NUP35: variants seen among roughly 807,000 people sequenced by gnomAD.
NUP35 encodes the protein nucleoporin NUP35.
In NUP35, 25 loss-of-function variants were observed where a neutral mutation model predicts 41.5. The ratio of observed to expected loss-of-function variants is 0.60; its 90% CI spans 0.44 to 0.84. NUP35 has a LOEUF of 0.84. NUP35 is among the 40% of genes least tolerant of loss of function. The pLI, the probability that NUP35 is intolerant of heterozygous loss-of-function variation, is 0.00. For missense variants in NUP35, 396 were observed against 396.6 expected (o/e 1.00, Z 0.01); for synonymous variants, 149 against 130.7 (o/e 1.14, Z -0.96).
chr2:183,124,426 A>T (rs143641717), upstream of NUP35: 355 of 1,614,104 alleles, frequency 2.2e-4, no homozygotes, highest in Non-Finnish European at 2.9e-4. Flanking sequence ...TTAATTGGGA[A>T]GGTACTGGTT....
Position 183,142,707 on chromosome 2 carries a change from T to C in NUP35, c.398-8801T>C, listed in dbSNP as rs1215207149. On this transcript the variant is annotated intron_variant, in intron 4 of 8. Coordinates refer to ENST00000295119, the MANE Select transcript of NUP35 (RefSeq NM_138285.5). ...GTTGGCCAGGCTGGTCTTGAACTCC[T>C]GACCTCAAGTGATCCACCTGCATCA... Among the ~76,000 whole-genome samples the C allele has an allele frequency of 2.0e-5, 3 of 151,928 alleles. No homozygotes were observed. The East Asian group carries it at 5.8e-4, about 30-fold the overall frequency.
Position 183,151,503 on chromosome 2 carries a change from T to TA in NUP35, c.398-4dup. The TA allele has an allele frequency of 6.2e-7, 1 of 1,613,364 alleles. No homozygotes were observed. Among genetic ancestry groups the TA allele is most frequent in the Non-Finnish European group, 8.5e-7 (1 of 1,179,686 alleles). ...GCAACTAACTTGCTAAATATACTAA[T>TA]ATAGGGCAAAGTATGTTTAGTCCAG... On this transcript the variant is annotated splice_region_variant and splice_polypyrimidine_tract_variant and intron_variant, in intron 4 of 8. Coordinates refer to ENST00000295119, the MANE Select transcript of NUP35 (RefSeq NM_138285.5).
At chr2:183,154,565 C>G (rs565060805) in intron 5 of NUP35, among the ~76,000 whole-genome samples, 3 of 152,108 alleles carry the variant, frequency 2.0e-5, no homozygotes, top group African/African-American at 7.2e-5. Context: ...GTCACCTTTG[C>G]TCCAGTCGCC....
intron 4 of NUP35, among the ~76,000 whole-genome samples, chr2:183,142,444 T>C (rs1685126909): frequency 6.6e-6 from 1 of 151,662 alleles, no homozygotes; most frequent in Admixed American, 6.6e-5. Context: ...TCTCAAATTT[T>C]GTGTGTTTTC....
chr2:183,143,448 C>G (rs1038067068), intron 4 of NUP35, among the ~76,000 whole-genome samples: 1 of 152,058 alleles, frequency 6.6e-6, no homozygotes, highest in African/African-American at 2.4e-5. Context: ...TTTAAGTGTT[C>G]CCAAAGAAGA....
upstream of NUP35, among the ~76,000 whole-genome samples, chr2:183,123,318 C>G (rs1395366059): frequency 6.6e-6 from 1 of 152,174 alleles, no homozygotes; most frequent in Non-Finnish European, 1.5e-5. Flanking sequence ...TTTATTACAT[C>G]TGCAAAGACC....
At chr2:183,129,217 T>TGG (rs34592491) in intron 2 of NUP35, among the ~76,000 whole-genome samples, 30 of 152,066 alleles carry the variant, frequency 2.0e-4, no homozygotes, top group African/African-American at 6.8e-4. Flanking sequence ...TAAGGAAACT[T>TGG]GGGGGGGAGG....
At position 183,133,631 on chromosome 2, in the gene NUP35, A is replaced by G; in HGVS notation, c.397+8A>G. The G allele has an allele frequency of 1.4e-6, 2 of 1,469,772 alleles. No individual in the cohort carries two copies. Among genetic ancestry groups the G allele is most frequent in the Non-Finnish European group, 1.8e-6 (2 of 1,092,938 alleles). 91.0% of individuals were successfully genotyped at this position (1,469,772 alleles called of 1,614,324 possible). A position where few individuals can be genotyped will look rare whatever the true frequency, so the allele number is the denominator to read the frequency against. On this transcript the variant is annotated splice_region_variant and intron_variant, in intron 4 of 8. Coordinates refer to ENST00000295119, the MANE Select transcript of NUP35 (RefSeq NM_138285.5). The stretch of plus-strand genomic sequence containing the variant: ...CATCTACTCCTGGAACAGGTAAGTG[A>G]TTCTTTCTTTTTTTTTTTTTTTTTA...
chr2:183,124,656 C>T (rs1340910558), intron 1 of NUP35, among the ~76,000 whole-genome samples, 159 bp downstream of exon 1: 1 of 152,184 alleles, frequency 6.6e-6, no homozygotes, highest in Non-Finnish European at 1.5e-5. Flanking sequence ...GTCCCCTACT[C>T]GACGCGTCGC....
At chr2:183,143,406 A>G (rs1685171348) in intron 4 of NUP35, among the ~76,000 whole-genome samples, 1 of 152,040 alleles carries the variant, frequency 6.6e-6, no homozygotes, top group South Asian at 2.1e-4. Flanking sequence ...ATTGATGGAG[A>G]GGAGCTGTTT....
upstream of NUP35, among the ~76,000 whole-genome samples, chr2:183,119,845 C>T (rs1700041825): frequency 6.6e-6 from 1 of 151,972 alleles, no homozygotes; most frequent in African/African-American, 2.4e-5. Context: ...GCCACCCCAC[C>T]CTGGGATTTT....
intron 4 of NUP35, among the ~76,000 whole-genome samples, chr2:183,143,580 A>G (rs975714908): frequency 6.6e-6 from 1 of 152,146 alleles, no homozygotes; most frequent in African/African-American, 2.4e-5. Context: ...TGTCAGACTC[A>G]TTGAGTTTTG....
intron 4 of NUP35, among the ~76,000 whole-genome samples, chr2:183,140,850 A>G (rs1376584263): frequency 1.3e-5 from 2 of 151,826 alleles, no homozygotes; most frequent in Non-Finnish European, 2.9e-5. Flanking sequence ...GGAAAATTAA[A>G]TAGAACTTTA....
At chr2:183,154,040 T>C (rs990711130) in intron 5 of NUP35, among the ~76,000 whole-genome samples, 5 of 150,848 alleles carry the variant, frequency 3.3e-5, no homozygotes, top group Admixed American at 6.7e-5. Context: ...TTCCACTCTC[T>C]GAAGCCACAG....
intron 5 of NUP35, among the ~76,000 whole-genome samples, chr2:183,155,579 C>CT (rs11393018): frequency 0.7 from 97,259 of 139,668 alleles, 34,061 homozygotes; most frequent in East Asian, 0.86. Flanking sequence ...CATAAAATGG[C>CT]TTTTTTTTTT....
intron 4 of NUP35, among the ~76,000 whole-genome samples, chr2:183,144,196 T>A (rs1030460955): frequency 4.6e-5 from 7 of 152,234 alleles, no homozygotes; most frequent in Non-Finnish European, 8.8e-5. Flanking sequence ...TTCCATTGTC[T>A]TCAGGGAGAT....
intron 1 of NUP35, among the ~76,000 whole-genome samples, chr2:183,128,068 A>G (rs1360495934): frequency 1.4e-5 from 2 of 141,332 alleles, no homozygotes; most frequent in Non-Finnish European, 3.1e-5. Context: ...TGAGACTCGG[A>G]CTCAGAAAAA....
chr2:183,122,712 T>C (rs1300923044), upstream of NUP35, among the ~76,000 whole-genome samples: 1 of 152,156 alleles, frequency 6.6e-6, no homozygotes, highest in African/African-American at 2.4e-5. Flanking sequence ...CCCCTCAGCC[T>C]CCCAAGGTGC....
rs749679187 is a variant in NUP35 at position 183,130,552 on chromosome 2, T to C, written c.339+7T>C. ...TTTAACTTCAAGAAGACAGGTAATATAAATACCCTTTTGATCCCCAATGAA... is the reference window on the plus strand; with the variant it reads ...TTTAACTTCAAGAAGACAGGTAATACAAATACCCTTTTGATCCCCAATGAA... On this transcript the variant is annotated splice_region_variant and intron_variant, in intron 3 of 8. Coordinates refer to ENST00000295119, the MANE Select transcript of NUP35 (RefSeq NM_138285.5). The C allele has an allele frequency of 1.9e-6, 3 of 1,611,744 alleles. No individual in the cohort carries two copies. In the South Asian group the frequency reaches 3.3e-5, roughly 18 times the overall value.
Sources: allele counts gnomAD v4.1 joint callset (sites outside exome capture counted in the v4.1 genomes callset), GRCh38; gene constraint gnomAD v4.1.1; transcripts MANE v1.5; gene names NCBI Gene and HGNC (gene_info 2026-07-23, HGNC 2026-07-21).